The following ACVR1 variants were observed in gnomAD, a reference collection of about 807,000 sequenced individuals.
ACVR1 encodes the protein activin A receptor type 1, also known as activin receptor type-1.
Under a neutral mutation model 57.1 loss-of-function variants are expected in ACVR1, and 38 were observed. The ratio of observed to expected loss-of-function variants is 0.67; its 90% CI spans 0.51 to 0.87. The LOEUF (loss-of-function observed/expected upper bound fraction) is 0.87. ACVR1 is among the 40% of genes least tolerant of loss of function. ACVR1 has a pLI of 0.00. For missense variants in ACVR1, 463 were observed against 638.2 expected (o/e 0.73, Z 2.96); for synonymous variants, 212 against 228.1 (o/e 0.93, Z 0.63).
intron 10 of ACVR1, among the ~76,000 whole-genome samples, chr2:157,737,992 AG>A (rs1026053324): frequency 6.6e-6 from 1 of 152,158 alleles, no homozygotes; most frequent in African/African-American, 2.4e-5. Context: ...ATTTCCAAAT[AG>A]GGTCATTTCT....
At chr2:157,768,285 G>T (rs1424300598) in intron 7 of ACVR1, among the ~76,000 whole-genome samples, 1 of 151,978 alleles carries the variant, frequency 6.6e-6, no homozygotes, top group African/African-American at 2.4e-5. Flanking sequence ...GCATCAAAAT[G>T]TGTTCTTGGA....
At position 157,770,468 on chromosome 2, in the gene ACVR1, C is replaced by T. The variant is rs1146031; in HGVS notation, c.690G>A (p.Glu230=). The part of the protein sequence containing the change: ...GEVWRGSWQG[E]NVAVKIFSSR... ...AGGAGAAGATCTTCACGGCAACATT[C>T]TCCCCTTGCCAGCTGCCCCTCCACA... The change falls in exon 7 of 11, where the codon GAG becomes GAA. Residue 230 remains glutamate (E), a synonymous_variant. Transcript: ENST00000434821. 0.98 allele frequency: 1,575,943 copies of T among 1,613,942 alleles called. 771,475 individuals are homozygous for T. The highest frequency in any genetic ancestry group is 0.99 in the Non-Finnish European group (1,169,660 of 1,179,970).
chr2:157,832,143 T>C (rs906895697), intron 1 of ACVR1, among the ~76,000 whole-genome samples: 2 of 152,140 alleles, frequency 1.3e-5, no homozygotes, highest in Non-Finnish European at 1.5e-5. Flanking sequence ...GGCATGTTAC[T>C]TCCCAGGCAT....
At chr2:157,774,027 T>C in intron 6 of ACVR1, 61 bp downstream of exon 6, 2 of 1,463,234 alleles carry the variant, frequency 1.4e-6, no homozygotes, top group South Asian at 2.3e-5. Flanking sequence ...TTCCATCTTT[T>C]ACTTCAAAAA....
chr2:157,831,573 G>A (rs1205807412), intron 1 of ACVR1, among the ~76,000 whole-genome samples: 2 of 152,206 alleles, frequency 1.3e-5, no homozygotes, highest in African/African-American at 4.8e-5. Context: ...AGTGGGCAGA[G>A]TAAAGTGAGA....
intron 1 of ACVR1, among the ~76,000 whole-genome samples, chr2:157,838,786 G>T (rs571207065): frequency 6.6e-6 from 1 of 152,064 alleles, no homozygotes; most frequent in African/African-American, 2.4e-5. Context: ...TGGGGAGAAC[G>T]CACAACCCCA....
intron 9 of ACVR1, among the ~76,000 whole-genome samples, chr2:157,743,914 T>G (rs1041811303): frequency 6.6e-6 from 1 of 152,054 alleles, no homozygotes; most frequent in African/African-American, 2.4e-5. Flanking sequence ...GATGGGAAGT[T>G]AGAGCCATGA....
At chr2:157,845,396 GAGA>G (rs1038539671) in intron 1 of ACVR1, among the ~76,000 whole-genome samples, 2 of 152,296 alleles carry the variant, frequency 1.3e-5, no homozygotes, top group African/African-American at 4.8e-5. Context: ...GAGGCACAGA[GAGA>G]AGGTCATGTG....
chr2:157,871,415 G>A (rs1425734155), intron 1 of ACVR1, among the ~76,000 whole-genome samples: 1 of 152,142 alleles, frequency 6.6e-6, no homozygotes, highest in Non-Finnish European at 1.5e-5. Flanking sequence ...AACTGACCTT[G>A]GGTGATCCCT....
At position 157,778,216 on chromosome 2, in the gene ACVR1, T is replaced by C. The variant is rs1686367748; in HGVS notation, c.458A>G (p.Asn153Ser). Reference protein sequence around the residue: ...GVALRKFKRRNQERLNPRDVE... With the variant: ...GVALRKFKRRSQERLNPRDVE... ...GTCTCGGGGATTGAGGCGTTCTTGG[T>C]TGCGCCTTTTAAATTTTCGGAGAGC... Residue 153 changes from asparagine (N) to serine (S), a missense_variant, in exon 5 of 11, where the codon AAC (asparagine) becomes AGC (serine). Asn to Ser is a conservative substitution (Grantham distance 46). This residue lies in a region of ACVR1 where 203 missense variants were observed against 235.5 expected (regional missense o/e 0.86). Coordinates refer to ENST00000434821, the MANE Select transcript of ACVR1 (RefSeq NM_001111067.4). 2 of 1,613,988 alleles carry C rather than the reference T, an allele frequency of 1.2e-6. No homozygotes were observed. The highest frequency in any genetic ancestry group is 2.7e-5 in the African/African-American group (2 of 74,890).
At chr2:157,818,922 C>G (rs1688047624) in intron 1 of ACVR1, among the ~76,000 whole-genome samples, 1 of 150,840 alleles carries the variant, frequency 6.6e-6, no homozygotes, top group Non-Finnish European at 1.5e-5. Flanking sequence ...ACTAAAAATA[C>G]AAAAAATTAG....
intron 1 of ACVR1, among the ~76,000 whole-genome samples, chr2:157,842,100 A>C (rs1689001038): frequency 6.6e-6 from 1 of 151,508 alleles, no homozygotes; most frequent in Non-Finnish European, 1.5e-5. Context: ...CTTTAGGGGG[A>C]GTCATTCTAG....
At chr2:157,855,304 G>GTA (rs1409524698) in intron 1 of ACVR1, among the ~76,000 whole-genome samples, 55 of 61,714 alleles carry the variant, frequency 8.9e-4, no homozygotes, top group African/African-American at 3.8e-3. Context: ...GTGTGTGTGT[G>GTA]TGTGTATATA....
intron 9 of ACVR1, among the ~76,000 whole-genome samples, chr2:157,747,064 T>A (rs1365110566): frequency 1.3e-5 from 2 of 152,240 alleles, no homozygotes; most frequent in Non-Finnish European, 2.9e-5. Flanking sequence ...CATCAATTTT[T>A]ATAATGCATT....
intron 1 of ACVR1, among the ~76,000 whole-genome samples, chr2:157,848,855 A>C (rs966031805): frequency 2.6e-5 from 4 of 152,230 alleles, no homozygotes; most frequent in African/African-American, 9.6e-5. Flanking sequence ...ATTAGCAGCA[A>C]TGAACATGAG....
At chr2:157,770,562 G>A (rs1196165666) in intron 6 of ACVR1, 48 bp from the exon 7 acceptor site, 1 of 1,599,262 alleles carries the variant, frequency 6.3e-7, no homozygotes, top group Admixed American at 1.7e-5. Context: ...TCATTTTGGA[G>A]GCAGCCAGCC....
intron 3 of ACVR1, among the ~76,000 whole-genome samples, chr2:157,787,190 T>C (rs1279401535): frequency 6.6e-6 from 1 of 152,208 alleles, no homozygotes; most frequent in Admixed American, 6.5e-5. Flanking sequence ...TAAAGAACAC[T>C]GTGAGGTAAT....
At chr2:157,873,614 C>A (rs1401898578) in intron 1 of ACVR1, among the ~76,000 whole-genome samples, 1 of 152,178 alleles carries the variant, frequency 6.6e-6, no homozygotes, top group Non-Finnish European at 1.5e-5. Flanking sequence ...AGAGCAGAAT[C>A]ATTTTTCAAA....
intron 1 of ACVR1, among the ~76,000 whole-genome samples, chr2:157,827,819 G>A (rs746546957): frequency 7.2e-5 from 11 of 152,016 alleles, no homozygotes; most frequent in Non-Finnish European, 1.3e-4. Context: ...ACATGCCCCC[G>A]CACCACTGCT....
Sources: gnomAD v4.1 joint callset for allele counts (sites outside exome capture counted in the v4.1 genomes callset) on GRCh38, gnomAD v4.1.1 for gene constraint, gnomAD v4.1.1 regional missense constraint, MANE v1.5 for transcripts, NCBI Gene and HGNC (gene_info 2026-07-23, HGNC 2026-07-21) for gene names.